ACSL1: variants seen among roughly 807,000 people sequenced by gnomAD.
ACSL1 encodes the protein acyl-CoA synthetase long chain family member 1.
In ACSL1, 41 loss-of-function variants were observed where a neutral mutation model predicts 98.4. The ratio of observed to expected loss-of-function variants is 0.42; its 90% CI spans 0.32 to 0.54. The LOEUF (loss-of-function observed/expected upper bound fraction) is 0.54, where lower values mean the gene tolerates loss of function less well. Ranked by LOEUF, ACSL1 falls within the 20% of genes least tolerant of loss-of-function variation. ACSL1 has a pLI of 0.13. For missense variants in ACSL1, 734 were observed against 883.1 expected (o/e 0.83, Z 2.14); for synonymous variants, 316 against 322.7 (o/e 0.98, Z 0.22).
In ACSL1 at chr4:184,803,905, A is replaced by G. The variant is rs571043616; in HGVS notation, c.-32-359T>C. Among the ~76,000 whole-genome samples, 38 of 152,294 alleles carry G rather than the reference A, an allele frequency of 2.5e-4. No individual in the cohort carries two copies. The highest frequency in any genetic ancestry group is 8.7e-4 in the African/African-American group (36 of 41,560). On this transcript the variant is annotated intron_variant, in intron 1 of 20. Transcript: ENST00000281455. The surrounding 1 kb of genome is among the most constrained non-coding windows in gnomAD (Gnocchi z 4.8). ...TGCTACTACGTCTCTGCTCTCGTCC[A>G]TCCACCTAATCAAAAACACTCGACT...
rs137900890 is a variant in ACSL1 at position 184,801,738 on chromosome 4, T to C, written c.195+1582A>G. 1.1e-3 allele frequency among the ~76,000 whole-genome samples: 171 copies of C among 152,360 alleles called. 1 individual carries two copies. Among genetic ancestry groups the C allele is most frequent in the African/African-American group, 3.9e-3 (164 of 41,580 alleles). On this transcript the variant is annotated intron_variant, in intron 2 of 20. Coordinates refer to ENST00000281455, the MANE Select transcript of ACSL1 (RefSeq NM_001995.5). ...GAGAAAAATCAGGAAGCCTCTATACTGGGCAGTAAAATTATAGATTTTCAT... is the reference window on the plus strand; with the variant it reads ...GAGAAAAATCAGGAAGCCTCTATACCGGGCAGTAAAATTATAGATTTTCAT...
At chr4:184,822,824 T>C (rs2150506786) in intron 1 of ACSL1, among the ~76,000 whole-genome samples, 1 of 152,312 alleles carries the variant, frequency 6.6e-6, no homozygotes, top group South Asian at 2.1e-4. Context: ...TTTCTCTTCT[T>C]GCCATTATAT....
At chr4:184,765,023 G>T in intron 14 of ACSL1, 98 bp from the exon 15 acceptor site, 1 of 1,175,230 alleles carries the variant, frequency 8.5e-7, no homozygotes, top group Non-Finnish European at 1.2e-6. Flanking sequence ...CCAAGTCATG[G>T]CTGACTGGTG....
chr4:184,758,021 G>A (rs1479739344), intron 18 of ACSL1, 101 bp from the exon 19 acceptor site: 16 of 1,148,362 alleles, frequency 1.4e-5, no homozygotes, highest in Non-Finnish European at 2.0e-5. Flanking sequence ...AGAATATGAT[G>A]AAAGTTATGG....
At chr4:184,794,884 T>C (rs937896475) in intron 2 of ACSL1, among the ~76,000 whole-genome samples, 2 of 151,324 alleles carry the variant, frequency 1.3e-5, no homozygotes, top group Non-Finnish European at 2.9e-5. Context: ...TCATTCCTAG[T>C]CCATCTCCAG....
At position 184,766,056 on chromosome 4, in the gene ACSL1, G is replaced by A. The variant is rs1763554105; in HGVS notation, c.1264-70C>T. ...GAAGTCGGCGGCCTCTCCGCCAAGG[G>A]GGCCTGCTTGGGACCCCGTTCCCTA... On this transcript the variant is annotated intron_variant, in intron 13 of 20. Transcript: ENST00000281455. The surrounding 1 kb of genome is among the most constrained non-coding windows in gnomAD (Gnocchi z 4.8). The A allele has an allele frequency of 4.1e-6, 6 of 1,459,374 alleles. No homozygotes were observed. In the East Asian group the frequency reaches 1.4e-4, roughly 33 times the overall value. The allele number at this position is 1,459,374 out of a possible 1,614,324, so 90.4% of individuals were successfully genotyped here.
chr4:184,820,015 C>T (rs1033852827), intron 1 of ACSL1, among the ~76,000 whole-genome samples: 16 of 152,072 alleles, frequency 1.1e-4, no homozygotes, highest in African/African-American at 3.1e-4. Context: ...AGGGCAATAC[C>T]GACGTCCAGC....
chr4:184,760,601 G>C, intron 17 of ACSL1, 101 bp from the exon 18 acceptor site: 1 of 1,459,074 alleles, frequency 6.9e-7, no homozygotes, highest in African/African-American at 1.4e-5. Flanking sequence ...ACACACTATT[G>C]ATTAATTCTA....
chr4:184,770,382 C>T lies in ACSL1; in HGVS notation c.993+17G>A. 6.2e-7 allele frequency: 1 copy of T among 1,612,408 alleles called. No homozygotes were observed. Among genetic ancestry groups the T allele is most frequent in the Non-Finnish European group, 8.5e-7 (1 of 1,179,180 alleles). On this transcript the variant is annotated intron_variant, in intron 11 of 20. Coordinates refer to ENST00000281455, the MANE Select transcript of ACSL1 (RefSeq NM_001995.5). The stretch of plus-strand genomic sequence containing the variant: ...AACATACACAAACAAGCAAGGAAAA[C>T]AAAATTAAATGCCTACCTCTACAAC...
At chr4:184,787,269 A>C (rs1327102539) in intron 3 of ACSL1, among the ~76,000 whole-genome samples, 1 of 152,236 alleles carries the variant, frequency 6.6e-6, no homozygotes, top group Non-Finnish European at 1.5e-5. Flanking sequence ...TGGGGCGCTC[A>C]CTGTGTGCCA....
intron 4 of ACSL1, among the ~76,000 whole-genome samples, chr4:184,783,378 G>A (rs987992019): frequency 1.3e-5 from 2 of 152,146 alleles, no homozygotes; most frequent in African/African-American, 4.8e-5. Flanking sequence ...CAGCTGCCTG[G>A]GGGTAAGTGT....
intron 1 of ACSL1, among the ~76,000 whole-genome samples, chr4:184,818,518 C>A (rs1772809257): frequency 6.6e-6 from 1 of 152,158 alleles, no homozygotes; most frequent in South Asian, 2.1e-4. Flanking sequence ...AATAGACAAA[C>A]CTGGAACATT....
chr4:184,805,798 C>G (rs1455377748), intron 1 of ACSL1: 1 of 152,298 alleles, frequency 6.6e-6, no homozygotes, highest in Non-Finnish European at 1.5e-5. Context: ...CACCCCACTG[C>G]TCCACCCATG....
chr4:184,787,923 T>G (rs939425910), intron 3 of ACSL1, among the ~76,000 whole-genome samples: 2 of 151,376 alleles, frequency 1.3e-5, no homozygotes, highest in African/African-American at 4.9e-5. Flanking sequence ...GTCCCAGTGC[T>G]TTGGGAGGCT....
chr4:184,776,528 C>G lies in ACSL1; in HGVS notation c.712G>C (p.Gly238Arg). 1 of 1,614,110 alleles carries G rather than the reference C, an allele frequency of 6.2e-7. No individual in the cohort carries two copies. Among genetic ancestry groups the G allele is most frequent in the Non-Finnish European group, 8.5e-7 (1 of 1,179,968 alleles). Residue 238 changes from glycine (G) to arginine (R), a missense_variant, in exon 7 of 21, where the codon GGC becomes CGC. Transcript: ENST00000281455. Reference protein sequence around the residue: ...DAYGSELVERGQRCGVEVTSM... With the variant: ...DAYGSELVERRQRCGVEVTSM... ...GTGACTTCCACCCCACACCTCTGGCCTCGTTCCACCAGTTCACTGCCGTAG... is the reference window on the plus strand; with the variant it reads ...GTGACTTCCACCCCACACCTCTGGCGTCGTTCCACCAGTTCACTGCCGTAG...
intron 5 of ACSL1, among the ~76,000 whole-genome samples, chr4:184,779,785 G>A (rs1040944645): frequency 2.0e-5 from 3 of 151,752 alleles, no homozygotes; most frequent in Non-Finnish European, 4.4e-5. Context: ...TGGGAACCTG[G>A]TTTAAAAAAA....
chr4:184,820,936 A>T (rs2150503137), intron 1 of ACSL1: 1 of 438,146 alleles, frequency 2.3e-6, no homozygotes, highest in South Asian at 1.6e-5. Context: ...CTGGAGGGGC[A>T]GTAGAGCCCA....
At chr4:184,768,494 G>A (rs1301237639) in intron 11 of ACSL1, 44 bp from the exon 12 acceptor site, 4 of 1,583,692 alleles carry the variant, frequency 2.5e-6, no homozygotes, top group Non-Finnish European at 3.4e-6. Context: ...CACCACAGCA[G>A]GGGTTACACA....
chr4:184,760,716 A>G (rs1194186662), intron 17 of ACSL1, among the ~76,000 whole-genome samples: 2 of 152,206 alleles, frequency 1.3e-5, no homozygotes, highest in Non-Finnish European at 2.9e-5. Flanking sequence ...AAGTGCAGAG[A>G]CAGAGAAGGG....
Sources: allele counts gnomAD v4.1 joint callset (sites outside exome capture counted in the v4.1 genomes callset), GRCh38; gene constraint gnomAD v4.1.1; non-coding constraint Gnocchi (gnomAD v3.1); transcripts MANE v1.5; gene names NCBI Gene and HGNC (gene_info 2026-07-23, HGNC 2026-07-21).